SEMA6D: variants seen among roughly 807,000 people sequenced by gnomAD.
SEMA6D encodes the protein semaphorin-6D.
In SEMA6D, 35 loss-of-function variants were observed where a neutral mutation model predicts 106.6. The ratio of observed to expected loss-of-function variants is 0.33; its 90% CI spans 0.25 to 0.44. SEMA6D has a LOEUF of 0.44. Ranked by LOEUF, SEMA6D falls within the 20% of genes least tolerant of loss-of-function variation. SEMA6D has a pLI of 1.00. For synonymous variants in SEMA6D, 499 were observed against 487.7 expected, an observed-to-expected ratio of 1.02 and a Z score of -0.31; for missense variants, 1,185 against 1,345.9, an observed-to-expected ratio of 0.88 and a Z score of 1.87.
intron 1 of SEMA6D, among the ~76,000 whole-genome samples, chr15:47,749,090 T>C (rs2081294408): frequency 6.7e-6 from 1 of 149,916 alleles, no homozygotes; most frequent in Admixed American, 6.6e-5. Context: ...CTTTTTTTTT[T>C]TTTTTTTGGA....
intron 1 of SEMA6D, among the ~76,000 whole-genome samples, chr15:47,222,917 GA>G (rs2031329228): frequency 6.6e-6 from 1 of 152,168 alleles, no homozygotes; most frequent in South Asian, 2.1e-4. Context: ...GCTGGGGCAA[GA>G]AGGGTTTGCT....
At chr15:47,210,852 A>C (rs921095050) in intron 1 of SEMA6D, among the ~76,000 whole-genome samples, 1 of 151,748 alleles carries the variant, frequency 6.6e-6, no homozygotes, top group Non-Finnish European at 1.5e-5. Context: ...TTTCATCGGT[A>C]ATACTAAAAG....
chr15:47,315,704 T>C (rs2036641572), intron 1 of SEMA6D, among the ~76,000 whole-genome samples: 1 of 152,246 alleles, frequency 6.6e-6, no homozygotes. Context: ...GACATCTTGA[T>C]AATACTGAGT....
intron 2 of SEMA6D, among the ~76,000 whole-genome samples, chr15:47,419,153 G>T (rs1247883365): frequency 1.3e-5 from 2 of 152,114 alleles, no homozygotes; most frequent in Admixed American, 1.3e-4. Flanking sequence ...AGGAGTTAGG[G>T]TGTTAGAAGG....
chr15:47,452,317 A>G (rs1466065770), intron 2 of SEMA6D, among the ~76,000 whole-genome samples: 1 of 151,302 alleles, frequency 6.6e-6, no homozygotes, highest in Non-Finnish European at 1.5e-5. Flanking sequence ...TGTGTTTATC[A>G]ACCAAAAAAA....
chr15:47,278,614 T>A (rs2034953044), intron 1 of SEMA6D, among the ~76,000 whole-genome samples: 1 of 152,164 alleles, frequency 6.6e-6, no homozygotes, highest in Non-Finnish European at 1.5e-5. Flanking sequence ...GCTCTTTAGT[T>A]TAATTAGATC....
chr15:47,514,905 A>AT (rs1453050787), intron 3 of SEMA6D, among the ~76,000 whole-genome samples: 4 of 152,178 alleles, frequency 2.6e-5, no homozygotes, highest in African/African-American at 9.6e-5. Flanking sequence ...GACCAAGTGG[A>AT]TATGACTCTT....
chr15:47,361,404 A>G (rs763726618), intron 1 of SEMA6D, among the ~76,000 whole-genome samples: 24 of 152,188 alleles, frequency 1.6e-4, no homozygotes, highest in Non-Finnish European at 3.5e-4. Context: ...ATCAAACTAG[A>G]AATTAGGAGT....
intron 4 of SEMA6D, among the ~76,000 whole-genome samples, chr15:47,622,861 C>G (rs1163277205): frequency 6.6e-6 from 1 of 152,138 alleles, no homozygotes; most frequent in Non-Finnish European, 1.5e-5. Flanking sequence ...TTCTGGCATT[C>G]TGCAAGAGCA....
intron 2 of SEMA6D, among the ~76,000 whole-genome samples, chr15:47,445,066 A>G (rs189591225): frequency 6.6e-5 from 10 of 152,178 alleles, no homozygotes; most frequent in Admixed American, 5.9e-4. Flanking sequence ...CTTCTCTCCA[A>G]TCATCCCCAG....
At chr15:47,453,569 A>C (rs1163761579) in intron 2 of SEMA6D, among the ~76,000 whole-genome samples, 2 of 151,940 alleles carry the variant, frequency 1.3e-5, no homozygotes, top group African/African-American at 2.4e-5. Flanking sequence ...CTGTATTTCG[A>C]GGTCAGGGAA....
At chr15:47,753,520 C>A (rs2081557784) in intron 1 of SEMA6D, among the ~76,000 whole-genome samples, 1 of 152,148 alleles carries the variant, frequency 6.6e-6, no homozygotes, top group Non-Finnish European at 1.5e-5. Flanking sequence ...TCAGAGAAGA[C>A]TGACTAGCAG....
intron 1 of SEMA6D, among the ~76,000 whole-genome samples, chr15:47,237,218 G>A (rs2032605714): frequency 6.6e-6 from 1 of 152,136 alleles, no homozygotes; most frequent in African/African-American, 2.4e-5. Flanking sequence ...AGAGCTAATG[G>A]AATTCCATAC....
chr15:47,631,500 A>G (rs1566946994), intron 4 of SEMA6D, among the ~76,000 whole-genome samples: 2 of 151,932 alleles, frequency 1.3e-5, no homozygotes, highest in Admixed American at 6.6e-5. Context: ...CTGCCTGTGC[A>G]AGTAAGTTAA....
At chr15:47,268,910 A>G (rs1357286340) in intron 1 of SEMA6D, among the ~76,000 whole-genome samples, 1 of 151,904 alleles carries the variant, frequency 6.6e-6, no homozygotes, top group Non-Finnish European at 1.5e-5. Flanking sequence ...CTTTACTTTA[A>G]TAGGGGCTTG....
chr15:47,590,585 G>A (rs2076421121), intron 3 of SEMA6D, among the ~76,000 whole-genome samples: 2 of 152,142 alleles, frequency 1.3e-5, no homozygotes, highest in Admixed American at 6.5e-5. Flanking sequence ...CAGGGTCTCT[G>A]TAGATATAAT....
intron 2 of SEMA6D, among the ~76,000 whole-genome samples, chr15:47,460,186 CAGAAATTATTT>C (rs1371449421): frequency 5.9e-5 from 9 of 152,168 alleles, no homozygotes; most frequent in South Asian, 2.1e-4. Flanking sequence ...TGTGAATTCT[CAGAAATTATTT>C]AGAAATTATT....
At chr15:47,741,476 G>T (rs1036070702) in intron 1 of SEMA6D, among the ~76,000 whole-genome samples, 3 of 152,198 alleles carry the variant, frequency 2.0e-5, no homozygotes, top group Non-Finnish European at 4.4e-5. Flanking sequence ...CAACACTTTG[G>T]GAGGCCGAGG....
intron 3 of SEMA6D, among the ~76,000 whole-genome samples, chr15:47,564,901 T>C (rs1284261122): frequency 2.0e-5 from 3 of 152,154 alleles, no homozygotes; most frequent in African/African-American, 7.2e-5. Flanking sequence ...GCAGCTTGAC[T>C]TCAGAGGGAC....
Sources: allele counts gnomAD v4.1 joint callset (sites outside exome capture counted in the v4.1 genomes callset), GRCh38; gene constraint gnomAD v4.1.1; transcripts MANE v1.5; gene names NCBI Gene and HGNC (gene_info 2026-07-23, HGNC 2026-07-21).